Variants in RNF19A observed in about 807,000 individuals in gnomAD.
RNF19A encodes E3 ubiquitin-protein ligase RNF19A.
In RNF19A, 32 loss-of-function variants were observed where a neutral mutation model predicts 75.7. The ratio of observed to expected loss-of-function variants is 0.42; its 90% CI spans 0.32 to 0.57. The LOEUF is 0.57. Ranked by LOEUF, RNF19A falls within the 20% of genes least tolerant of loss-of-function variation. RNF19A has a pLI of 0.10. For missense variants in RNF19A, 782 were observed against 1,036.3 expected (o/e 0.75, Z 3.37); for synonymous variants, 335 against 345.2 (o/e 0.97, Z 0.33).
intron 3 of RNF19A, among the ~76,000 whole-genome samples, chr8:100,270,455 G>A (rs1227634431): frequency 6.6e-6 from 1 of 152,064 alleles, no homozygotes; most frequent in African/African-American, 2.4e-5. Flanking sequence ...AACACTAACA[G>A]GAGGTGACAA....
At chr8:100,272,201 C>T (rs535752766) in intron 3 of RNF19A, among the ~76,000 whole-genome samples, 1 of 152,036 alleles carries the variant, frequency 6.6e-6, no homozygotes, top group African/African-American at 2.4e-5. Context: ...AATTTAACTC[C>T]AAGTGCCTAA....
chr8:100,309,873 C>T lies in RNF19A; in HGVS notation c.-100G>A. 1 of 985,652 alleles carries T rather than the reference C, an allele frequency of 1.0e-6. No homozygotes were observed. Among genetic ancestry groups the T allele is most frequent in the Non-Finnish European group, 1.2e-6 (1 of 830,086 alleles). The allele number at this position is 985,652 out of a possible 1,614,324, so 61.1% of individuals were successfully genotyped here. A position where few individuals can be genotyped will look rare whatever the true frequency, so the allele number is the denominator to read the frequency against. On this transcript the variant is annotated 5_prime_UTR_variant, in exon 1 of 10. Coordinates refer to ENST00000341084, the MANE Select transcript of RNF19A (RefSeq NM_183419.4). ...TCCGGGTGCCCGCCCGTACCTTTAA[C>T]TCCTCAGAGCGGCGGCAGCGCAGGG...
intron 1 of RNF19A, among the ~76,000 whole-genome samples, chr8:100,327,399 G>A (rs182372097): frequency 1.3e-5 from 2 of 151,864 alleles, no homozygotes; most frequent in African/African-American, 2.4e-5. Flanking sequence ...TTACAGGCGT[G>A]TGCCACCATG....
Position 100,258,843 on chromosome 8 carries a change from T to G in RNF19A, c.2230A>C (p.Ser744Arg). The G allele has an allele frequency of 6.2e-7, 1 of 1,614,154 alleles. No individual in the cohort carries two copies. Among genetic ancestry groups the G allele is most frequent in the Non-Finnish European group, 8.5e-7 (1 of 1,180,020 alleles). Residue 744 changes from serine (S) to arginine (R), a missense_variant, in exon 10 of 10, where the codon AGT becomes CGT. This residue lies in a region of RNF19A where 442 missense variants were observed against 541.6 expected (regional missense o/e 0.82). Transcript: ENST00000341084. The surrounding 1 kb of genome is among the most constrained non-coding windows in gnomAD (Gnocchi z 4.3). ...GTGTGATAATCACTGGAACCATGACTACAAGAAGTTTTCATGCTTTCTAGG... is the reference window on the plus strand; with the variant it reads ...GTGTGATAATCACTGGAACCATGACGACAAGAAGTTTTCATGCTTTCTAGG... The part of the protein sequence containing the change: ...SDLESMKTSC[S>R]HGSSDYHTRF...
At chr8:100,310,313 C>T (rs978516084), upstream of RNF19A, 20 of 901,746 alleles carry the variant, frequency 2.2e-5, no homozygotes, top group Middle Eastern at 5.6e-4. Flanking sequence ...CCGGGTGGCC[C>T]CGACTGCGGC....
chr8:100,299,799 C>T (rs1821741238), intron 1 of RNF19A, among the ~76,000 whole-genome samples: 3 of 152,062 alleles, frequency 2.0e-5, no homozygotes, highest in African/African-American at 7.2e-5. Context: ...AGTGTTTGGA[C>T]TAATCTTATC....
rs370917188 is a variant in RNF19A at position 100,261,516 on chromosome 8, GAACCA to G, written c.1682+21_1682+25del. The G allele has an allele frequency of 2.5e-6, 4 of 1,596,976 alleles. No homozygotes were observed. The highest frequency in any genetic ancestry group is 3.3e-5 in the Admixed American group (2 of 59,958). On this transcript the variant is annotated intron_variant, in intron 8 of 9. Transcript: ENST00000341084. This position sits in a 1 kb window ranked among gnomAD's most constrained non-coding sequence, Gnocchi z 4.4. ...AATAATTTGTAGTTACCAGAAAGCA[GAACCA>G]AACCAAACCAAAACACACACCTGTT... is the stretch of plus-strand genomic sequence containing the variant.
At chr8:100,311,717 CAAAAAAAAA>C (rs55695585), upstream of RNF19A, among the ~76,000 whole-genome samples, 2 of 89,908 alleles carry the variant, frequency 2.2e-5, no homozygotes, top group East Asian at 2.9e-4. Flanking sequence ...GACTCCGTCT[CAAAAAAAAA>C]AAAAAAAAAA....
chr8:100,309,978 G>A (rs1381394392), upstream of RNF19A: 2 of 985,580 alleles, frequency 2.0e-6, no homozygotes, highest in African/African-American at 1.7e-5. Context: ...CCGATGCGCC[G>A]AGGCGCCTCT....
chr8:100,288,855 T>C (rs1276244860), intron 1 of RNF19A, among the ~76,000 whole-genome samples: 1 of 152,096 alleles, frequency 6.6e-6, no homozygotes, highest in Non-Finnish European at 1.5e-5. Context: ...GTTCAGGAGA[T>C]TGACACCATC....
intron 1 of RNF19A, among the ~76,000 whole-genome samples, chr8:100,316,602 C>T (rs1401109909): frequency 6.6e-6 from 1 of 152,214 alleles, no homozygotes. Context: ...GGTGCACTCA[C>T]AAACCCTGAG....
chr8:100,328,103 ATC>A (rs1427951263), intron 1 of RNF19A, among the ~76,000 whole-genome samples: 6 of 152,146 alleles, frequency 3.9e-5, no homozygotes, highest in African/African-American at 1.2e-4. Context: ...GGCAGGTGGT[ATC>A]TACATCCCCC....
rs1277769417 is a variant in RNF19A, at chr8:100,269,032, T to A, written c.1029-85A>T. On this transcript the variant is annotated intron_variant, in intron 4 of 9. Transcript: ENST00000341084. This position sits in a 1 kb window ranked among gnomAD's most constrained non-coding sequence, Gnocchi z 5.7. The stretch of plus-strand genomic sequence containing the variant: ...GCACTATATTAAAACAATGACTATT[T>A]TTAAAAACTTCTCATAGTTAGGAGC... 66 of 1,105,240 alleles carry A rather than the reference T, an allele frequency of 6.0e-5. No individual in the cohort carries two copies. Among genetic ancestry groups the A allele is most frequent in the Non-Finnish European group, 7.7e-5 (63 of 815,776 alleles). 68.5% of individuals were successfully genotyped at this position (1,105,240 alleles called of 1,614,324 possible).
chr8:100,336,041 G>C (rs1488176162), intron 1 of RNF19A: 1 of 152,246 alleles, frequency 6.6e-6, no homozygotes, highest in East Asian at 1.9e-4. Flanking sequence ...GGGAGCTAAA[G>C]GGATATACAG....
intron 1 of RNF19A, among the ~76,000 whole-genome samples, chr8:100,303,699 G>A (rs1363729040): frequency 6.6e-6 from 1 of 151,220 alleles, no homozygotes; most frequent in Non-Finnish European, 1.5e-5. Flanking sequence ...TGACGTGGGC[G>A]GATCACTTGA....
In RNF19A at chr8:100,288,158, A is replaced by G; in HGVS notation, c.17T>C (p.Ile6Thr). ...TTCATTATATTTAGAGATAAAACCT[A>G]TTTCTTGTTCTTGCATTCACATTAA... is the stretch of plus-strand genomic sequence containing the variant. MQEQE[I>T]GFISKYNEGL... is the part of the protein sequence containing the mutation. The change falls in exon 2 of 10, where the codon ATA becomes ACA. Residue 6 changes from isoleucine (I) to threonine (T), a missense_variant. By Grantham distance (89) the Ile-to-Thr change is moderately conservative. Coordinates refer to ENST00000341084, the MANE Select transcript of RNF19A (RefSeq NM_183419.4). 1.2e-6 allele frequency: 2 copies of G among 1,603,082 alleles called. No individual in the cohort carries two copies. The highest frequency in any genetic ancestry group is 1.7e-6 in the Non-Finnish European group (2 of 1,173,782).
At chr8:100,282,682 T>A (rs1820836411) in intron 2 of RNF19A, among the ~76,000 whole-genome samples, 2 of 152,220 alleles carry the variant, frequency 1.3e-5, no homozygotes, top group South Asian at 4.1e-4. Context: ...ATCTGTGATC[T>A]CTGCAAAATT....
chr8:100,288,364 A>G (rs1821130393), intron 1 of RNF19A, 97 bp from the exon 2 acceptor site: 1 of 830,674 alleles, frequency 1.2e-6, no homozygotes, highest in Non-Finnish European at 1.6e-6. Flanking sequence ...ATGTTTCTTA[A>G]CCATTAGTAG....
upstream of RNF19A, chr8:100,310,106 C>T (rs1055655944): frequency 5.4e-5 from 53 of 985,594 alleles, no homozygotes; most frequent in Admixed American, 6.1e-5. Flanking sequence ...TACCACCTCC[C>T]CCTCCCGCAG....
Sources: gnomAD v4.1 joint callset for allele counts (sites outside exome capture counted in the v4.1 genomes callset) on GRCh38, gnomAD v4.1.1 for gene constraint, gnomAD v4.1.1 regional missense constraint, Gnocchi (gnomAD v3.1) non-coding constraint, MANE v1.5 for transcripts, NCBI Gene and HGNC (gene_info 2026-07-23, HGNC 2026-07-21) for gene names.